Variants in C13orf46 observed in about 807,000 individuals in gnomAD.
C13orf46 encodes chromosome 13 open reading frame 46.
At chr13:113,946,064 C>CACTGCGGGCTGGAGTGCAGG in the C13orf46 span, among the ~76,000 whole-genome samples, 1 of 112,220 alleles carries the variant, frequency 8.9e-6, no homozygotes, top group African/African-American at 3.1e-5. Context: ...GTGAATGCCG[C>CACTGCGGGCTGGAGTGCAGG]GTTTAAAACG....
At chr13:113,972,922 C>T (rs927424585) in intron 1 of C13orf46, among the ~76,000 whole-genome samples, 1 of 152,224 alleles carries the variant, frequency 6.6e-6, no homozygotes, top group African/African-American at 2.4e-5. Flanking sequence ...CCCACAGCTC[C>T]GCCCCAGCAG....
At chr13:113,962,467 G>A (rs1380519924) in intron 6 of C13orf46, among the ~76,000 whole-genome samples, 4 of 152,236 alleles carry the variant, frequency 2.6e-5, no homozygotes, top group Admixed American at 6.5e-5. Context: ...AAGTGTGCAC[G>A]TGAGCTGATG....
At chr13:113,945,527 G>C in the C13orf46 span, among the ~76,000 whole-genome samples, 4 of 148,084 alleles carry the variant, frequency 2.7e-5, no homozygotes, top group African/African-American at 5.1e-5. Context: ...CTGGGCGACA[G>C]AGCGAGAATC....
chr13:113,964,336 T>G (rs1186561271), intron 6 of C13orf46, among the ~76,000 whole-genome samples: 2 of 152,190 alleles, frequency 1.3e-5, no homozygotes, highest in Admixed American at 1.3e-4. Context: ...GTGTCTTCTC[T>G]CCCCACACCC....
intron 1 of C13orf46, among the ~76,000 whole-genome samples, chr13:113,973,031 C>T (rs1435909570): frequency 6.6e-6 from 1 of 152,214 alleles, no homozygotes; most frequent in Admixed American, 6.5e-5. Flanking sequence ...CAGCGGGAGG[C>T]AGGAGGCCCG....
rs1404475485 is a variant in C13orf46, at chr13:113,965,785, GTAATTATAA to G, written c.505-800_505-792del. ...GGTGATGATGGTGATGGTGATGATG[GTAATTATAA>G]TGGTGGTGATGATGGTGAAGGTGAT... On this transcript the variant is annotated intron_variant, in intron 5 of 6. Coordinates refer to ENST00000636427, the MANE Select transcript of C13orf46 (RefSeq NM_001365455.2). 5.6e-3 allele frequency among the ~76,000 whole-genome samples: 802 copies of G among 143,170 alleles called. 12 individuals are homozygous for G. The highest frequency in any genetic ancestry group is 0.02 in the African/African-American group (732 of 36,460). 93.9% of individuals were successfully genotyped at this position (143,170 alleles called of 152,430 possible). A position where few individuals can be genotyped will look rare whatever the true frequency, so the allele number is the denominator to read the frequency against.
the C13orf46 span, among the ~76,000 whole-genome samples, chr13:113,940,207 C>G: frequency 6.6e-6 from 1 of 152,214 alleles, no homozygotes; most frequent in East Asian, 1.9e-4. Context: ...GAGTGTGCAG[C>G]AGGGGCCTGG....
the C13orf46 span, among the ~76,000 whole-genome samples, chr13:113,943,182 T>G: frequency 6.7e-6 from 1 of 149,838 alleles, no homozygotes; most frequent in Non-Finnish European, 1.5e-5. Context: ...AGATTCATTC[T>G]GAGCCCAAGA....
the C13orf46 span, among the ~76,000 whole-genome samples, chr13:113,943,730 G>A: frequency 1.3e-5 from 2 of 152,290 alleles, no homozygotes; most frequent in South Asian, 2.1e-4. Context: ...TTTGGCTTAC[G>A]CTCTGTTGGT....
At chr13:113,966,458 C>T (rs1327028002) in intron 5 of C13orf46, among the ~76,000 whole-genome samples, 9 of 135,638 alleles carry the variant, frequency 6.6e-5, no homozygotes, top group Admixed American at 1.5e-4. Flanking sequence ...GTGATGATGA[C>T]GGTGGTGATG....
At chr13:113,957,455 C>A (rs1226280151) in intron 6 of C13orf46, among the ~76,000 whole-genome samples, 1 of 135,364 alleles carries the variant, frequency 7.4e-6, no homozygotes, top group Admixed American at 7.3e-5. Context: ...ACTCTGCCTG[C>A]ACCCCCTTTC....
the C13orf46 span, chr13:113,928,262 C>T: frequency 1.3e-5 from 2 of 152,258 alleles, no homozygotes; most frequent in Non-Finnish European, 2.9e-5. Context: ...GCCCGGGGTT[C>T]GTTTTTATGC....
downstream of C13orf46, among the ~76,000 whole-genome samples, chr13:113,949,687 T>G (rs943256319): frequency 6.6e-6 from 1 of 152,242 alleles, no homozygotes; most frequent in Admixed American, 6.5e-5. Flanking sequence ...CGACAAGCTG[T>G]GCTCCCAGCC....
At chr13:113,952,365 C>T (rs1403444272), downstream of C13orf46, among the ~76,000 whole-genome samples, 1 of 147,984 alleles carries the variant, frequency 6.8e-6, no homozygotes, top group African/African-American at 2.5e-5. Flanking sequence ...CTGCCCAGGG[C>T]CGCTGTGTGG....
chr13:113,945,603 A>G, the C13orf46 span, among the ~76,000 whole-genome samples: 1,805 of 115,044 alleles, frequency 0.016, 21 homozygotes, highest in Middle Eastern at 0.023. Flanking sequence ...GAAAGAAAGA[A>G]AGAAGAAAGA....
In C13orf46 at chr13:113,967,334, T is replaced by C. The variant is rs1050440192; in HGVS notation, c.504+7A>G. The C allele has an allele frequency of 6.6e-5, 10 of 152,266 alleles. No individual in the cohort carries two copies. The highest frequency in any genetic ancestry group is 1.5e-4 in the Non-Finnish European group (10 of 68,066). 9.4% of individuals were successfully genotyped at this position (152,266 alleles called of 1,614,324 possible). On this transcript the variant is annotated splice_region_variant and intron_variant, in intron 5 of 6. Coordinates refer to ENST00000636427, the MANE Select transcript of C13orf46 (RefSeq NM_001365455.2). ...GCTCTGCTTGTCTTGCGGTTTTCCA[T>C]TTTTACCTCCTCAGCATGGTCTCCC...
the C13orf46 span, among the ~76,000 whole-genome samples, chr13:113,942,283 A>C: frequency 3.3e-5 from 5 of 152,232 alleles, no homozygotes; most frequent in Non-Finnish European, 7.3e-5. Flanking sequence ...TCCCTGCAGG[A>C]GAACCTCGAT....
chr13:113,942,766 G>A, the C13orf46 span, among the ~76,000 whole-genome samples: 8 of 152,182 alleles, frequency 5.3e-5, no homozygotes, highest in South Asian at 2.1e-4. Flanking sequence ...CAGCGGAGGC[G>A]GCCTGTTGGT....
At chr13:113,965,722 GTGA>G (rs2052630264) in intron 5 of C13orf46, among the ~76,000 whole-genome samples, 8 of 145,838 alleles carry the variant, frequency 5.5e-5, no homozygotes, top group East Asian at 2.0e-4. Context: ...TATAATGGTG[GTGA>G]TGATGGTGAA....
Sources: gnomAD v4.1 joint callset for allele counts (sites outside exome capture counted in the v4.1 genomes callset) on GRCh38, gnomAD v4.1.1 for gene constraint, MANE v1.5 for transcripts, NCBI Gene and HGNC (gene_info 2026-07-23, HGNC 2026-07-21) for gene names.